EIF3B: variants seen among roughly 807,000 people sequenced by gnomAD.
The protein encoded by EIF3B is eukaryotic translation initiation factor 3 subunit B.
Under a neutral mutation model 104.6 loss-of-function variants are expected in EIF3B, and 10 were observed. The observed-to-expected ratio is 0.10, with a 90% CI of 0.06 to 0.16. The LOEUF is 0.16. Ranked by LOEUF, EIF3B falls within the 10% of genes least tolerant of loss-of-function variation. EIF3B has a pLI of 1.00. For synonymous variants in EIF3B, 542 were observed against 417.2 expected (o/e 1.30, Z -3.65); for missense variants, 1,014 against 1,087.9 (o/e 0.93, Z 0.96).
chr7:2,364,538 CT>C lies in EIF3B; in HGVS notation c.1157+10del, dbSNP rs751495854. 8.1e-6 allele frequency: 13 copies of C among 1,609,166 alleles called. No individual in the cohort carries two copies. The highest frequency in any genetic ancestry group is 1.1e-5 in the Non-Finnish European group (13 of 1,178,330). ...TTCTCACCTTGTGAAAGGTAAGCTG[CT>C]AGAAAAACACAGGGGAGTCTATGCA... On this transcript the variant is annotated intron_variant, in intron 6 of 18. Transcript: ENST00000360876.
At chr7:2,367,544 G>C (rs533522934) in intron 9 of EIF3B, among the ~76,000 whole-genome samples, 1 of 152,032 alleles carries the variant, frequency 6.6e-6, no homozygotes, top group African/African-American at 2.4e-5. Flanking sequence ...ATCTTGGCTC[G>C]CTGCAACCTC....
At chr7:2,360,278 T>G (rs1779659280) in intron 1 of EIF3B, among the ~76,000 whole-genome samples, 1 of 152,218 alleles carries the variant, frequency 6.6e-6, no homozygotes, top group Non-Finnish European at 1.5e-5. Context: ...GCTAAAATCT[T>G]CTGTAAAAAG....
chr7:2,366,003 T>C (rs1345432788), intron 6 of EIF3B, among the ~76,000 whole-genome samples: 1 of 152,146 alleles, frequency 6.6e-6, no homozygotes, highest in Non-Finnish European at 1.5e-5. Context: ...TTTAACTTGT[T>C]AGTCTTTATT....
At chr7:2,371,934 G>T in intron 11 of EIF3B, 85 bp downstream of exon 11, 1 of 1,105,250 alleles carries the variant, frequency 9.0e-7, no homozygotes, top group South Asian at 1.3e-5. Context: ...GCGAGGGGTT[G>T]TCTGAGCAGC....
intron 10 of EIF3B, among the ~76,000 whole-genome samples, chr7:2,371,449 C>T (rs1019912478): frequency 2.6e-5 from 4 of 152,222 alleles, no homozygotes; most frequent in Non-Finnish European, 5.9e-5. Flanking sequence ...GCCTTTAGGG[C>T]CCTCAGGACC....
At chr7:2,365,175 C>T (rs1178387548) in intron 6 of EIF3B, among the ~76,000 whole-genome samples, 1 of 152,214 alleles carries the variant, frequency 6.6e-6, no homozygotes, top group Admixed American at 6.5e-5. Flanking sequence ...AGTCTTGAAC[C>T]CCTGGGCTCA....
At chr7:2,370,784 A>G (rs1157122964) in intron 10 of EIF3B, among the ~76,000 whole-genome samples, 2 of 151,566 alleles carry the variant, frequency 1.3e-5, no homozygotes, top group African/African-American at 2.4e-5. Context: ...TTTTTAAAAG[A>G]TAGGAAAAAG....
chr7:2,355,150 G>T lies in EIF3B; in HGVS notation c.229G>T (p.Ala77Ser). The change falls in exon 1 of 19, where the codon GCC (alanine) becomes TCC (serine). Residue 77 changes from alanine to serine, a missense_variant. Physicochemically the swap from Ala to Ser is moderately conservative, Grantham distance 99. This residue lies in a region of EIF3B where 488 missense variants were observed against 404.3 expected (regional missense o/e 1.21). Transcript: ENST00000360876. ...CGAGCCGGCGGCCGAGGCAGAGGCG[G>T]CCTCCGGCCCGTCCGAGTCGCCCTC... ...RTEPAAEAEAASGPSESPSPP... is the reference protein window; with the variant it reads ...RTEPAAEAEASSGPSESPSPP... 1 of 1,432,614 alleles carries T rather than the reference G, an allele frequency of 7.0e-7. No individual in the cohort carries two copies. Among genetic ancestry groups the T allele is most frequent in the Non-Finnish European group, 9.1e-7 (1 of 1,104,148 alleles). 88.7% of individuals were successfully genotyped at this position (1,432,614 alleles called of 1,614,324 possible).
chr7:2,365,668 T>TG (rs1491408127), intron 6 of EIF3B, among the ~76,000 whole-genome samples: 34 of 33,210 alleles, frequency 1.0e-3, no homozygotes, highest in East Asian at 6.4e-3. Context: ...TGTTTGTTTG[T>TG]TTGTTTGTTT....
chr7:2,355,141 G>T lies in EIF3B; in HGVS notation c.220G>T (p.Ala74Ser), dbSNP rs920122356. ...GGTGAGGACCGAGCCGGCGGCCGAG[G>T]CAGAGGCGGCCTCCGGCCCGTCCGA... ...SEVRTEPAAEAEAASGPSESP... is the reference protein window; with the variant it reads ...SEVRTEPAAESEAASGPSESP... Residue 74 changes from alanine to serine, a missense_variant, in exon 1 of 19, where the codon GCA becomes TCA. Ala to Ser is a moderately conservative substitution (Grantham distance 99). This residue lies in a region of EIF3B where 488 missense variants were observed against 404.3 expected (regional missense o/e 1.21). Transcript: ENST00000360876. The T allele has an allele frequency of 5.6e-6, 8 of 1,420,354 alleles. No homozygotes were observed. The African/African-American group carries it at 1.2e-4, about 21-fold the overall frequency. The allele number at this position is 1,420,354 out of a possible 1,614,324, so 88.0% of individuals were successfully genotyped here.
Position 2,363,056 on chromosome 7 carries a change from C to A in EIF3B, c.813-14C>A, listed in dbSNP as rs1034197604. 2 of 1,613,980 alleles carry A rather than the reference C, an allele frequency of 1.2e-6. No individual in the cohort carries two copies. The highest frequency in any genetic ancestry group is 1.7e-6 in the Non-Finnish European group (2 of 1,179,960). ...GTCAGGGCGTGGGGCTCAGCAGTCT[C>A]CTTTCTTCTCCAGGTATATGACGAT... is the stretch of plus-strand genomic sequence containing the variant. On this transcript the variant is annotated splice_polypyrimidine_tract_variant and intron_variant, in intron 3 of 18. Transcript: ENST00000360876.
In EIF3B at chr7:2,374,509, G is replaced by T. The variant is rs778136221; in HGVS notation, c.1811-19G>T. ...TGGAAGCCCTCGCAGCTCGTGACAG[G>T]CGCGCTCTTTCCTTTCAGAGATGTT... On this transcript the variant is annotated intron_variant, in intron 12 of 18. Coordinates refer to ENST00000360876, the MANE Select transcript of EIF3B (RefSeq NM_001037283.2). 1 of 1,613,336 alleles carries T rather than the reference G, an allele frequency of 6.2e-7. No homozygotes were observed. Among genetic ancestry groups the T allele is most frequent in the East Asian group, 2.2e-5 (1 of 44,856 alleles).
intron 1 of EIF3B, among the ~76,000 whole-genome samples, chr7:2,355,640 G>T (rs1417122171): frequency 6.6e-6 from 1 of 152,194 alleles, no homozygotes; most frequent in East Asian, 1.9e-4. Flanking sequence ...AGGGGACAGG[G>T]TGGAGCTCAC....
At chr7:2,374,376 G>A (rs952329488) in intron 12 of EIF3B, 152 bp from the exon 13 acceptor site, 14 of 637,900 alleles carry the variant, frequency 2.2e-5, no homozygotes, top group Non-Finnish European at 3.3e-5. Context: ...GGTACTTGGC[G>A]ATGGACTTTG....
chr7:2,362,574 G>A, intron 2 of EIF3B, 71 bp from the exon 3 acceptor site: 2 of 1,586,144 alleles, frequency 1.3e-6, no homozygotes, highest in African/African-American at 1.3e-5. Context: ...CGTGGAGAGG[G>A]GTGGGGCGGA....
rs774270102 is a variant in EIF3B, at chr7:2,378,661, A to G, written c.2155-28A>G. 4 of 1,599,844 alleles carry G rather than the reference A, an allele frequency of 2.5e-6. No individual in the cohort carries two copies. The East Asian group carries it at 6.7e-5, about 27-fold the overall frequency. On this transcript the variant is annotated intron_variant, in intron 15 of 18. Transcript: ENST00000360876. ...TTGTGCTTGTTGCTTTGAATGTTAAATCCTGAGTGATGGGTCTTTTGTTTC... is the reference window on the plus strand; with the variant it reads ...TTGTGCTTGTTGCTTTGAATGTTAAGTCCTGAGTGATGGGTCTTTTGTTTC...
intron 14 of EIF3B, chr7:2,376,715 C>T (rs1302663723): frequency 3.8e-6 from 2 of 523,000 alleles, no homozygotes; most frequent in African/African-American, 3.9e-5. Context: ...ATGTGCAGGC[C>T]TGTGCTGTGA....
In EIF3B at chr7:2,372,748, C is replaced by A. The variant is rs1780423185; in HGVS notation, c.1763C>A (p.Ser588Tyr). Reference protein sequence around the residue: ...AVLHGEAPRISVSFYHVKNNG... With the variant: ...AVLHGEAPRIYVSFYHVKNNG... ...CTGCACGGAGAGGCTCCGCGGATAT[C>A]TGTGTCTTTCTACCACGTCAAAAAC... Residue 588 changes from serine to tyrosine, a missense_variant, in exon 12 of 19, where the codon TCT becomes TAT. Around this residue, in one of 4 missense-constraint regions of EIF3B, gnomAD observed 266 missense variants for 324.0 expected, o/e 0.82. Coordinates refer to ENST00000360876, the MANE Select transcript of EIF3B (RefSeq NM_001037283.2). 3 of 1,614,176 alleles carry A rather than the reference C, an allele frequency of 1.9e-6. No individual in the cohort carries two copies. The highest frequency in any genetic ancestry group is 2.2e-5 in the East Asian group (1 of 44,888).
chr7:2,372,568 G>A (rs1197032325), intron 11 of EIF3B, 105 bp from the exon 12 acceptor site: 12 of 1,409,746 alleles, frequency 8.5e-6, no homozygotes, highest in Admixed American at 2.1e-5. Flanking sequence ...ACTTTTACAC[G>A]TCGGGGGATA....
Sources: allele counts gnomAD v4.1 joint callset (sites outside exome capture counted in the v4.1 genomes callset), GRCh38; gene constraint gnomAD v4.1.1; regional missense constraint gnomAD v4.1.1; transcripts MANE v1.5; gene names NCBI Gene and HGNC (gene_info 2026-07-23, HGNC 2026-07-21).